The following AGMO variants were observed in gnomAD, a reference collection of about 807,000 sequenced individuals.
The protein encoded by AGMO is glyceryl-ether monooxygenase.
A neutral mutation model predicts 60.2 loss-of-function variants in AGMO; 75 were observed. The ratio of observed to expected loss-of-function variants is 1.25; its 90% confidence interval spans 1.03 to 1.51. AGMO has a LOEUF of 1.51. AGMO is among the 40% of genes most tolerant of loss of function. The probability of loss-of-function intolerance (pLI) is 0.00; values close to 1 mark genes in which losing one functional copy is unlikely to be tolerated. For synonymous variants in AGMO, 261 were observed against 177.1 expected (o/e 1.47, Z -3.76); for missense variants, 763 against 525.5 (o/e 1.45, Z -4.42).
chr7:15,363,784 T>C (rs1051997394), intron 12 of AGMO, among the ~76,000 whole-genome samples: 3 of 152,118 alleles, frequency 2.0e-5, no homozygotes, highest in Non-Finnish European at 2.9e-5. Context: ...GGAACCTATG[T>C]TCTCTATTTC....
chr7:15,214,754 A>G (rs1466808427), intron 12 of AGMO, among the ~76,000 whole-genome samples: 1 of 152,054 alleles, frequency 6.6e-6, no homozygotes, highest in Admixed American at 6.6e-5. Flanking sequence ...GAGGGTCAAA[A>G]AAAGAGTGGA....
intron 3 of AGMO, among the ~76,000 whole-genome samples, chr7:15,493,942 A>C (rs1273475740): frequency 2.0e-5 from 3 of 152,156 alleles, no homozygotes; most frequent in Admixed American, 2.0e-4. Flanking sequence ...TGTACTGATC[A>C]CATCAGGATA....
intron 3 of AGMO, among the ~76,000 whole-genome samples, chr7:15,465,195 A>C (rs1447750154): frequency 6.6e-6 from 1 of 151,928 alleles, no homozygotes; most frequent in African/African-American, 2.4e-5. Context: ...ACCTATTGCG[A>C]GCCGAACTCA....
chr7:15,431,708 C>T (rs1013252890), intron 3 of AGMO, among the ~76,000 whole-genome samples: 1 of 151,792 alleles, frequency 6.6e-6, no homozygotes, highest in Non-Finnish European at 1.5e-5. Context: ...CTATGGTTTT[C>T]CCATACCTTA....
intron 3 of AGMO, among the ~76,000 whole-genome samples, chr7:15,450,827 G>A (rs1017293382): frequency 1.3e-5 from 2 of 151,962 alleles, no homozygotes; most frequent in Non-Finnish European, 2.9e-5. Context: ...CAACTCATTA[G>A]GCAAGTTTCC....
chr7:15,414,449 T>C (rs1299643757), intron 5 of AGMO, among the ~76,000 whole-genome samples: 1 of 151,642 alleles, frequency 6.6e-6, no homozygotes, highest in Non-Finnish European at 1.5e-5. Flanking sequence ...TAGGAATGCA[T>C]ATTTAATCCC....
chr7:15,521,838 T>A (rs1044134229), intron 3 of AGMO, among the ~76,000 whole-genome samples: 9 of 152,150 alleles, frequency 5.9e-5, no homozygotes, highest in African/African-American at 2.2e-4. Context: ...GAAATGGAAG[T>A]TCTGGCCAGG....
intron 3 of AGMO, among the ~76,000 whole-genome samples, chr7:15,449,110 G>A (rs10261081): frequency 0.62 from 94,616 of 151,862 alleles, 30,123 homozygotes; most frequent in Non-Finnish European, 0.69. Context: ...TGTTTAGATG[G>A]AAAAAGAAGA....
At chr7:15,489,033 T>C (rs1782997847) in intron 3 of AGMO, among the ~76,000 whole-genome samples, 1 of 152,134 alleles carries the variant, frequency 6.6e-6, no homozygotes, top group Non-Finnish European at 1.5e-5. Context: ...GTTGATAAAA[T>C]ACAAGGATTC....
chr7:15,526,858 A>G (rs554771040), intron 3 of AGMO, among the ~76,000 whole-genome samples: 5 of 152,276 alleles, frequency 3.3e-5, no homozygotes, highest in African/African-American at 1.2e-4. Context: ...AATTCACACA[A>G]TATTTCAAAC....
At chr7:15,294,421 T>C (rs1426640018) in intron 12 of AGMO, among the ~76,000 whole-genome samples, 1 of 151,872 alleles carries the variant, frequency 6.6e-6, no homozygotes, top group Non-Finnish European at 1.5e-5. Context: ...GGTCAATAAA[T>C]TGCAGAACAA....
At chr7:15,517,620 G>A (rs1346271071) in intron 3 of AGMO, among the ~76,000 whole-genome samples, 1 of 151,858 alleles carries the variant, frequency 6.6e-6, no homozygotes, top group African/African-American at 2.4e-5. Flanking sequence ...CTTGAGAAAA[G>A]GTGCATTCCA....
chr7:15,508,111 A>G (rs895450262), intron 3 of AGMO, among the ~76,000 whole-genome samples: 3 of 152,164 alleles, frequency 2.0e-5, no homozygotes, highest in Non-Finnish European at 4.4e-5. Flanking sequence ...GGAGAGGAAA[A>G]TTATTCCAGA....
intron 12 of AGMO, among the ~76,000 whole-genome samples, chr7:15,218,477 T>C (rs1378103109): frequency 1.3e-5 from 2 of 151,854 alleles, no homozygotes; most frequent in Non-Finnish European, 2.9e-5. Flanking sequence ...GTGATTGCAA[T>C]GGACAGGAAG....
chr7:15,298,216 G>T (rs539957425), intron 12 of AGMO, among the ~76,000 whole-genome samples: 1 of 152,092 alleles, frequency 6.6e-6, no homozygotes, highest in Non-Finnish European at 1.5e-5. Flanking sequence ...GTATTAATGT[G>T]ATAAAAAATG....
chr7:15,392,033 G>T (rs985474766), intron 6 of AGMO, among the ~76,000 whole-genome samples: 2 of 152,002 alleles, frequency 1.3e-5, no homozygotes, highest in African/African-American at 4.8e-5. Flanking sequence ...TGGTAATGTG[G>T]ACTTGTTCTT....
chr7:15,290,419 C>A (rs369797880), intron 12 of AGMO, among the ~76,000 whole-genome samples: 1 of 152,146 alleles, frequency 6.6e-6, no homozygotes, highest in African/African-American at 2.4e-5. Context: ...TGTTAAGGAA[C>A]TTTTGGATTA....
intron 3 of AGMO, among the ~76,000 whole-genome samples, chr7:15,481,789 A>ATTTT (rs5882513): frequency 1.8e-3 from 174 of 98,602 alleles, no homozygotes; most frequent in East Asian, 4.6e-3. Context: ...GACTAAATGT[A>ATTTT]TTTTTTTTTT....
At chr7:15,176,259 C>T in the AGMO span, among the ~76,000 whole-genome samples, 1 of 151,768 alleles carries the variant, frequency 6.6e-6, no homozygotes, top group African/African-American at 2.4e-5. Context: ...GGGCTTTGTT[C>T]CTCTTTCCTC....
Sources: gnomAD v4.1 joint callset for allele counts (sites outside exome capture counted in the v4.1 genomes callset) on GRCh38, gnomAD v4.1.1 for gene constraint, MANE v1.5 for transcripts, NCBI Gene and HGNC (gene_info 2026-07-23, HGNC 2026-07-21) for gene names.